Variants in EBF3 observed in about 807,000 individuals in gnomAD.
EBF3 encodes transcription factor COE3.
Under a neutral mutation model 77.1 loss-of-function variants are expected in EBF3, and 18 were observed. The ratio of observed to expected loss-of-function variants is 0.23; its 90% CI spans 0.16 to 0.35. The LOEUF is 0.35. Among genes scored for constraint, EBF3 ranks in the 10% least tolerant of loss-of-function variants. The pLI, the probability that EBF3 is intolerant of heterozygous loss-of-function variation, is 1.00. For missense variants in EBF3, 558 were observed against 860.0 expected (o/e 0.65, Z 4.39); for synonymous variants, 350 against 343.5 (o/e 1.02, Z -0.21).
At chr10:129,852,210 T>C (rs1850932514) in intron 10 of EBF3, among the ~76,000 whole-genome samples, 1 of 152,242 alleles carries the variant, frequency 6.6e-6, no homozygotes, top group Admixed American at 6.5e-5. Context: ...GAAGGATACA[T>C]ATTTAAATAT....
chr10:129,935,950 A>G lies in EBF3; in HGVS notation c.554+21308T>C, dbSNP rs1857325214. On this transcript the variant is annotated intron_variant, in intron 6 of 16. Coordinates refer to ENST00000440978, the MANE Select transcript of EBF3 (RefSeq NM_001375380.1). This position sits in a 1 kb window ranked among gnomAD's most constrained non-coding sequence, Gnocchi z 4.2. ...GGAGCACCAGGGCCCCTCCTCCACC[A>G]TCATCCATCGGGGGGCTTCCTGAAG... is the stretch of plus-strand genomic sequence containing the variant. Among the ~76,000 whole-genome samples the G allele has an allele frequency of 6.6e-6, 1 of 151,698 alleles. No homozygotes were observed. The highest frequency in any genetic ancestry group is 1.5e-5 in the Non-Finnish European group (1 of 67,974).
chr10:129,841,042 T>TCC lies in EBF3; in HGVS notation c.1373-12_1373-11dup, dbSNP rs68001511. ...TTGCGACTGTAGCCGACTGTTGAAATCCCCCCCCCGGCCAAAAATAACATT... is the reference window on the plus strand; with the variant it reads ...TTGCGACTGTAGCCGACTGTTGAAATCCCCCCCCCCCGGCCAAAAATAACATT... On this transcript the variant is annotated splice_polypyrimidine_tract_variant and intron_variant, in intron 13 of 16. Coordinates refer to ENST00000440978, the MANE Select transcript of EBF3 (RefSeq NM_001375380.1). The surrounding 1 kb of genome is among the most constrained non-coding windows in gnomAD (Gnocchi z 4.6). The TCC allele has an allele frequency of 0.092, 136,243 of 1,483,690 alleles. 4,082 individuals are homozygous for TCC. The highest frequency in any genetic ancestry group is 0.18 in the South Asian group (13,258 of 75,388). 91.9% of individuals were successfully genotyped at this position (1,483,690 alleles called of 1,614,324 possible). A position where few individuals can be genotyped will look rare whatever the true frequency, so the allele number is the denominator to read the frequency against.
rs973205246 is a variant in EBF3, at chr10:129,897,308, G to A, written c.555-19459C>T. On this transcript the variant is annotated intron_variant, in intron 6 of 16. Transcript: ENST00000440978. This position sits in a 1 kb window ranked among gnomAD's most constrained non-coding sequence, Gnocchi z 4.6. ...GGACCTAGGAGGGTTGAAAGGAGAT[G>A]AGGCCCATGGCTGTGTGGGTGAGTT... Among the ~76,000 whole-genome samples the A allele has an allele frequency of 1.3e-5, 2 of 152,186 alleles. No individual in the cohort carries two copies. Among genetic ancestry groups the A allele is most frequent in the African/African-American group, 4.8e-5 (2 of 41,456 alleles).
Position 129,842,217 on chromosome 10 carries a change from G to A in EBF3, c.1271C>T (p.Thr424Ile). ...SVPRNHNQIP[T>I]LGNNPAHTGM... ...CGTGTGTGCAGGGTTGTTGCCCAGGGTGGGGATCTGGTTGTGATTGCGGGG... is the reference window on the plus strand; with the variant it reads ...CGTGTGTGCAGGGTTGTTGCCCAGGATGGGGATCTGGTTGTGATTGCGGGG... Residue 424 changes from threonine to isoleucine, a missense_variant, in exon 13 of 17, where the codon ACC (threonine) becomes ATC (isoleucine). Physicochemically the swap from Thr to Ile is moderately conservative, Grantham distance 89 (BLOSUM62 -1). Coordinates refer to ENST00000440978, the MANE Select transcript of EBF3 (RefSeq NM_001375380.1). The surrounding 1 kb of genome is among the most constrained non-coding windows in gnomAD (Gnocchi z 4.4). 2 of 1,614,216 alleles carry A rather than the reference G, an allele frequency of 1.2e-6. No individual in the cohort carries two copies. Among genetic ancestry groups the A allele is most frequent in the East Asian group, 2.2e-5 (1 of 44,864 alleles).
chr10:129,915,042 T>A (rs1564884324), intron 6 of EBF3, among the ~76,000 whole-genome samples: 1 of 152,154 alleles, frequency 6.6e-6, no homozygotes, highest in Non-Finnish European at 1.5e-5. Flanking sequence ...CCTTGGGCCC[T>A]TCAAGAGTTT....
At position 129,872,335 on chromosome 10, in the gene EBF3, C is replaced by T. The variant is rs146040492; in HGVS notation, c.781+1117G>A. Among the ~76,000 whole-genome samples, 228 of 152,208 alleles carry T rather than the reference C, an allele frequency of 1.5e-3. 2 individuals are homozygous for T. Among genetic ancestry groups the T allele is most frequent in the Middle Eastern group, 3.4e-3 (1 of 294 alleles). Reference sequence around the variant, plus strand: ...GCTCTAATGACATCGGTGCTTAGGGCGACCTTTAATTATTATATTTTTGTT... The same window carrying T: ...GCTCTAATGACATCGGTGCTTAGGGTGACCTTTAATTATTATATTTTTGTT... On this transcript the variant is annotated intron_variant, in intron 8 of 16. Transcript: ENST00000440978.
At chr10:129,896,899 A>G (rs1854431701) in intron 6 of EBF3, among the ~76,000 whole-genome samples, 1 of 152,094 alleles carries the variant, frequency 6.6e-6, no homozygotes, top group Admixed American at 6.5e-5. Flanking sequence ...AAGCCTGCCC[A>G]CGCCGCCACC....
At chr10:129,839,787 G>A (rs1378728008) in intron 15 of EBF3, among the ~76,000 whole-genome samples, 1 of 152,246 alleles carries the variant, frequency 6.6e-6, no homozygotes, top group African/African-American at 2.4e-5. Context: ...CCATTCCCAT[G>A]CCAGGGCTAT....
At chr10:129,903,179 G>C (rs746162217) in intron 6 of EBF3, among the ~76,000 whole-genome samples, 22 of 152,236 alleles carry the variant, frequency 1.4e-4, no homozygotes, top group Non-Finnish European at 2.8e-4. Flanking sequence ...GATGGAACCA[G>C]GTGAAGCTGC....
chr10:129,854,956 A>G (rs924257182), intron 10 of EBF3, among the ~76,000 whole-genome samples: 1 of 152,186 alleles, frequency 6.6e-6, no homozygotes, highest in African/African-American at 2.4e-5. Flanking sequence ...TCCTACACCC[A>G]GAGGCAAACC....
intron 6 of EBF3, among the ~76,000 whole-genome samples, chr10:129,945,459 C>T (rs1259875226): frequency 6.6e-6 from 1 of 152,192 alleles, no homozygotes; most frequent in African/African-American, 2.4e-5. Context: ...CTCTGTAAAT[C>T]ACACGGATTC....
intron 6 of EBF3, among the ~76,000 whole-genome samples, chr10:129,934,697 G>A (rs1362989813): frequency 6.6e-6 from 1 of 152,152 alleles, no homozygotes; most frequent in East Asian, 1.9e-4. Context: ...TTGGGAAGAG[G>A]AGACTGAACA....
In EBF3 at chr10:129,867,282, C is replaced by T. The variant is rs750470117; in HGVS notation, c.913-15G>A. 1.5e-5 allele frequency: 25 copies of T among 1,613,666 alleles called. No individual in the cohort carries two copies. Among genetic ancestry groups the T allele is most frequent in the Non-Finnish European group, 1.8e-5 (21 of 1,179,964 alleles). On this transcript the variant is annotated splice_polypyrimidine_tract_variant and intron_variant, in intron 9 of 16. Coordinates refer to ENST00000440978, the MANE Select transcript of EBF3 (RefSeq NM_001375380.1). ...GGAGTTATCAGCTACAAAAACCACA[C>T]GGTGAACAGGCGCTCAGCGGCGCTG...
chr10:129,923,545 G>A (rs1047545401), intron 6 of EBF3, among the ~76,000 whole-genome samples: 1 of 152,130 alleles, frequency 6.6e-6, no homozygotes, highest in Non-Finnish European at 1.5e-5. Flanking sequence ...GGGAGTGGGT[G>A]GTCTTTTCAA....
chr10:129,842,458 C>T lies in EBF3; in HGVS notation c.1195-165G>A, dbSNP rs116423315. On this transcript the variant is annotated intron_variant, in intron 12 of 16. Transcript: ENST00000440978. The surrounding 1 kb of genome is among the most constrained non-coding windows in gnomAD (Gnocchi z 4.4). ...CTTCCCCTAGAAAATCATTTACTGA[C>T]GCTTTTGAAAGTGTGCAATATCTGG... Among the ~76,000 whole-genome samples, 1,387 of 152,274 alleles carry T rather than the reference C, an allele frequency of 9.1e-3. 19 individuals are homozygous for T. The highest frequency in any genetic ancestry group is 0.031 in the African/African-American group (1,296 of 41,574).
At chr10:129,903,221 C>T (rs187034621) in intron 6 of EBF3, among the ~76,000 whole-genome samples, 13 of 152,272 alleles carry the variant, frequency 8.5e-5, no homozygotes, top group Admixed American at 5.2e-4. Flanking sequence ...TCAGTATATA[C>T]GGTTCAGTCT....
intron 6 of EBF3, among the ~76,000 whole-genome samples, chr10:129,951,380 T>C (rs1009833001): frequency 1.8e-4 from 28 of 152,232 alleles, no homozygotes; most frequent in Non-Finnish European, 3.8e-4. Context: ...TCCGTCAACA[T>C]GCCTCCCAGA....
intron 6 of EBF3, among the ~76,000 whole-genome samples, chr10:129,916,723 G>A (rs892436851): frequency 6.6e-6 from 1 of 152,158 alleles, no homozygotes; most frequent in African/African-American, 2.4e-5. Flanking sequence ...CCCAATAATG[G>A]ACCCTTCGCT....
At chr10:129,962,303 T>C (rs1188336812) in intron 3 of EBF3, 77 bp from the exon 4 acceptor site, 2 of 1,428,164 alleles carry the variant, frequency 1.4e-6, no homozygotes, top group African/African-American at 2.8e-5. Context: ...GCACAGGAAG[T>C]CTGTAACTCA....
Sources: allele counts gnomAD v4.1 joint callset (sites outside exome capture counted in the v4.1 genomes callset), GRCh38; gene constraint gnomAD v4.1.1; non-coding constraint Gnocchi (gnomAD v3.1); transcripts MANE v1.5; gene names NCBI Gene and HGNC (gene_info 2026-07-23, HGNC 2026-07-21).